POMT1: variants seen among roughly 807,000 people sequenced by gnomAD.
The protein encoded by POMT1 is protein O-mannosyltransferase 1.
Under a neutral mutation model 101.6 loss-of-function variants are expected in POMT1, and 85 were observed. The observed-to-expected ratio is 0.84, with a 90% CI of 0.70 to 1.00. The LOEUF is 1.00. Among genes scored for constraint, POMT1 ranks in the 50% least tolerant of loss-of-function variants. The pLI, the probability that POMT1 is intolerant of heterozygous loss-of-function variation, is 0.00. For missense variants in POMT1, 857 were observed against 930.4 expected (o/e 0.92, Z 1.03); for synonymous variants, 371 against 383.0 (o/e 0.97, Z 0.37).
At position 131,519,434 on chromosome 9, in the gene POMT1, A is replaced by C; in HGVS notation, c.1532A>C (p.Gln511Pro). The change falls in exon 16 of 20, where the codon CAG becomes CCG. Residue 511 changes from glutamine to proline, a missense_variant. Gln to Pro is a moderately conservative substitution (Grantham distance 76). Transcript: ENST00000402686. This position sits in a 1 kb window ranked among gnomAD's most constrained non-coding sequence, Gnocchi z 4.3. ...GAACGGGAGCTGCACTCACCTGCGCAGGTGGACGTCAGCAGGAACCTCAGC... is the reference window on the plus strand; with the variant it reads ...GAACGGGAGCTGCACTCACCTGCGCCGGTGGACGTCAGCAGGAACCTCAGC... Reference protein sequence around the residue: ...ERERELHSPAQVDVSRNLSFM... With the variant: ...ERERELHSPAPVDVSRNLSFM... 2 of 1,551,884 alleles carry C rather than the reference A, an allele frequency of 1.3e-6. No individual in the cohort carries two copies. The highest frequency in any genetic ancestry group is 2.4e-5 in the East Asian group (1 of 41,116).
At chr9:131,515,770 ATGGAG>A (rs1564366721) in intron 13 of POMT1, among the ~76,000 whole-genome samples, 34 of 25,292 alleles carry the variant, frequency 1.3e-3, no homozygotes, top group East Asian at 4.5e-3. Flanking sequence ...TTCCTCTAAC[ATGGAG>A]CACTTCCTGT....
chr9:131,518,971 G>C lies in POMT1; in HGVS notation c.1486+14G>C, dbSNP rs142995404. ...GATACGGCGCGAGTGAGTCCGCGGC[G>C]TGGCTTCCGCCGCTCCTGGAATGTA... On this transcript the variant is annotated intron_variant, in intron 15 of 19. Coordinates refer to ENST00000402686, the MANE Select transcript of POMT1 (RefSeq NM_001077365.2). 2 of 1,613,204 alleles carry C rather than the reference G, an allele frequency of 1.2e-6. No homozygotes were observed. The highest frequency in any genetic ancestry group is 2.2e-5 in the South Asian group (2 of 91,074).
At chr9:131,513,429 C>T in intron 12 of POMT1, 98 bp downstream of exon 12, 1 of 1,069,370 alleles carries the variant, frequency 9.4e-7, no homozygotes, top group Non-Finnish European at 1.4e-6. Context: ...CCGCTGCCCC[C>T]TGTCTACCCA....
chr9:131,509,003 T>A lies in POMT1; in HGVS notation c.520T>A (p.Phe174Ile), dbSNP rs1333061121. ...GGCCGTGTTGTCCTACCTGAAGTTC[T>A]TCAACTGCCAAAAGCACAGGTATGG... ...LLAVLSYLKFFNCQKHSPFSL... is the reference protein window; with the variant it reads ...LLAVLSYLKFINCQKHSPFSL... The change falls in exon 6 of 20, where the codon TTC becomes ATC. Residue 174 changes from phenylalanine (F) to isoleucine (I), a missense_variant. By Grantham distance (21) the Phe-to-Ile change is conservative. Coordinates refer to ENST00000402686, the MANE Select transcript of POMT1 (RefSeq NM_001077365.2). 6.2e-7 allele frequency: 1 copy of A among 1,610,936 alleles called. No individual in the cohort carries two copies. Among genetic ancestry groups the A allele is most frequent in the Admixed American group, 1.7e-5 (1 of 60,018 alleles).
rs1949436383 is a variant in POMT1, at chr9:131,519,368, T to G, written c.1487-21T>G. ...GACCTTGTGCTACTTCTATCTGTTA[T>G]GCCCTTGTCTGTTCTGCCAGGCCAG... On this transcript the variant is annotated intron_variant, in intron 15 of 19. Transcript: ENST00000402686. The surrounding 1 kb of genome is among the most constrained non-coding windows in gnomAD (Gnocchi z 4.3). 2 of 1,550,088 alleles carry G rather than the reference T, an allele frequency of 1.3e-6. No homozygotes were observed. Among genetic ancestry groups the G allele is most frequent in the East Asian group, 2.4e-5 (1 of 40,934 alleles).
rs184619150 is a variant in POMT1 at position 131,519,860 on chromosome 9, G to A, written c.1585-220G>A. Among the ~76,000 whole-genome samples the A allele has an allele frequency of 3.5e-3, 529 of 152,302 alleles. 3 individuals are homozygous for A. Among genetic ancestry groups the A allele is most frequent in the Non-Finnish European group, 5.4e-3 (368 of 68,028 alleles). On this transcript the variant is annotated intron_variant, in intron 16 of 19. Coordinates refer to ENST00000402686, the MANE Select transcript of POMT1 (RefSeq NM_001077365.2). This position sits in a 1 kb window ranked among gnomAD's most constrained non-coding sequence, Gnocchi z 4.3. Reference sequence around the variant, plus strand: ...ATTCAGCCCAATCACTTCGTCTACAGAGGAGGTAACTGGAGCACATAGGGT... The same window carrying A: ...ATTCAGCCCAATCACTTCGTCTACAAAGGAGGTAACTGGAGCACATAGGGT...
chr9:131,504,079 C>T (rs943889775), intron 1 of POMT1, 110 bp from the exon 2 acceptor site: 5 of 1,331,166 alleles, frequency 3.8e-6, no homozygotes, highest in Non-Finnish European at 5.4e-6. Flanking sequence ...TTCTCAGCAG[C>T]CCGGCTGTGC....
At chr9:131,512,291 T>G (rs1283577675) in intron 11 of POMT1, among the ~76,000 whole-genome samples, 155 bp downstream of exon 11, 1 of 152,036 alleles carries the variant, frequency 6.6e-6, no homozygotes, top group Non-Finnish European at 1.5e-5. Context: ...GAGTCCAAGG[T>G]CAGAGGAATA....
intron 5 of POMT1, among the ~76,000 whole-genome samples, chr9:131,507,842 G>A (rs1323208526): frequency 6.6e-6 from 1 of 152,184 alleles, no homozygotes; most frequent in Non-Finnish European, 1.5e-5. Context: ...CACCTCCCAG[G>A]CCTTGGCCAA....
At chr9:131,505,345 G>A (rs1173062653) in intron 2 of POMT1, among the ~76,000 whole-genome samples, 3 of 144,918 alleles carry the variant, frequency 2.1e-5, no homozygotes, top group Non-Finnish European at 4.5e-5. Flanking sequence ...CGCCCAGGCT[G>A]TAGTGCAATG....
chr9:131,518,678 C>T (rs1949260196), intron 14 of POMT1, 141 bp downstream of exon 14: 20 of 1,416,856 alleles, frequency 1.4e-5, no homozygotes, highest in Admixed American at 5.2e-5. Flanking sequence ...TGAGGGAGGG[C>T]GGCTTTTGTA....
At position 131,507,414 on chromosome 9, in the gene POMT1, A is replaced by C; in HGVS notation, c.327A>C (p.Ala109=). The change falls in exon 5 of 20, where the codon GCA becomes GCC. Residue 109 remains alanine (A), a synonymous_variant. Transcript: ENST00000402686. ...VPVWSLRLLP[A]LAGALSVPMA... ...TGTGGTCCCTGCGCCTGCTGCCAGC[A>C]CTCGCGGGGGCCTTGTCGGTCCCCA... The C allele has an allele frequency of 6.2e-7, 1 of 1,614,004 alleles. No homozygotes were observed. Among genetic ancestry groups the C allele is most frequent in the Non-Finnish European group, 8.5e-7 (1 of 1,180,016 alleles).
At chr9:131,520,853 G>C (rs1949784557) in intron 17 of POMT1, among the ~76,000 whole-genome samples, 1 of 152,182 alleles carries the variant, frequency 6.6e-6, no homozygotes, top group East Asian at 1.9e-4. Flanking sequence ...ATGTGAGAGA[G>C]AAAGAGAGAG....
At chr9:131,517,187 C>T (rs1411190826) in intron 13 of POMT1, among the ~76,000 whole-genome samples, 2 of 152,080 alleles carry the variant, frequency 1.3e-5, no homozygotes, top group South Asian at 4.1e-4. Context: ...GTTAGCACCA[C>T]GTCCTCATGG....
intron 12 of POMT1, among the ~76,000 whole-genome samples, chr9:131,514,856 T>C (rs1947950610): frequency 6.6e-6 from 1 of 152,194 alleles, no homozygotes; most frequent in South Asian, 2.1e-4. Context: ...GACAGGAGGC[T>C]GAGGCAGGAG....
At position 131,523,285 on chromosome 9, in the gene POMT1, T is replaced by C. The variant is rs953000992; in HGVS notation, c.*179T>C. On this transcript the variant is annotated 3_prime_UTR_variant, in exon 20 of 20. Coordinates refer to ENST00000402686, the MANE Select transcript of POMT1 (RefSeq NM_001077365.2). ...AAAGCTCTCTGATGAGCACCTCCTT[T>C]TGTGCAAAGTTAATTTTTTCTCGAC... 5.7e-6 allele frequency: 4 copies of C among 700,564 alleles called. No homozygotes were observed. Among genetic ancestry groups the C allele is most frequent in the African/African-American group, 5.4e-5 (3 of 56,048 alleles). 43.4% of individuals were successfully genotyped at this position (700,564 alleles called of 1,614,324 possible).
chr9:131,515,328 T>G (rs1052557355), intron 12 of POMT1, 98 bp from the exon 13 acceptor site: 1 of 1,254,366 alleles, frequency 8.0e-7, no homozygotes. Context: ...GAGCCGGCTT[T>G]GTTTCTGAAA....
At chr9:131,510,753 G>A (rs1946943139) in intron 9 of POMT1, 2 of 372,164 alleles carry the variant, frequency 5.4e-6, no homozygotes, top group African/African-American at 2.1e-5. Flanking sequence ...TGATCCGCCT[G>A]CCTCGGCCTC....
chr9:131,508,975 A>G lies in POMT1; in HGVS notation c.492A>G (p.Leu164=). The G allele has an allele frequency of 4.3e-6, 7 of 1,614,024 alleles. No homozygotes were observed. The highest frequency in any genetic ancestry group is 5.1e-6 in the Non-Finnish European group (6 of 1,179,888). Residue 164 remains leucine, a synonymous_variant, in exon 6 of 20, where the codon CTA becomes CTG. Coordinates refer to ENST00000402686, the MANE Select transcript of POMT1 (RefSeq NM_001077365.2). ...LLESVLIFFN[L]LAVLSYLKFF... ...AATCAGTGTTAATATTTTTCAATCT[A>G]TTGGCCGTGTTGTCCTACCTGAAGT...
Sources: allele counts gnomAD v4.1 joint callset (sites outside exome capture counted in the v4.1 genomes callset), GRCh38; gene constraint gnomAD v4.1.1; non-coding constraint Gnocchi (gnomAD v3.1); transcripts MANE v1.5; gene names NCBI Gene and HGNC (gene_info 2026-07-23, HGNC 2026-07-21).